The following ABCC6 variants were observed in gnomAD, a reference collection of about 807,000 sequenced individuals.
ABCC6 encodes the protein ATP-binding cassette sub-family C member 6.
Under a neutral mutation model 169.5 loss-of-function variants are expected in ABCC6, and 126 were observed. The observed-to-expected ratio is 0.74, with a 90% confidence interval of 0.64 to 0.86. The LOEUF (loss-of-function observed/expected upper bound fraction) is 0.86. Among genes scored for constraint, ABCC6 ranks in the 40% least tolerant of loss-of-function variants. The pLI, the probability that ABCC6 is intolerant of heterozygous loss-of-function variation, is 0.00. For synonymous variants in ABCC6, 752 were observed against 814.7 expected, an observed-to-expected ratio of 0.92 and a Z score of 1.31; for missense variants, 1,733 against 1,927.2, an observed-to-expected ratio of 0.90 and a Z score of 1.89.
intron 8 of ABCC6, among the ~76,000 whole-genome samples, chr16:16,202,858 C>T (rs1261000323): frequency 6.6e-6 from 1 of 152,156 alleles, no homozygotes; most frequent in Non-Finnish European, 1.5e-5. Flanking sequence ...CGGCTTTGGC[C>T]AACAGAGTAC....
rs1316012194 is a variant in ABCC6, at chr16:16,150,211, T to C, written c.4434A>G (p.Ala1478=). ...RVLVMDKGQV[A]ESGSPAQLLA... ...GCAGCTGGGCCGGGCTGCCGCTCTC[T>C]GCCACCTGCCCCTTGTCCATGACCA... is the stretch of plus-strand genomic sequence containing the variant. The change falls in exon 31 of 31, where the codon GCA becomes GCG. Residue 1478 remains alanine (A), a synonymous_variant. Coordinates refer to ENST00000205557, the MANE Select transcript of ABCC6 (RefSeq NM_001171.6). The C allele has an allele frequency of 3.7e-6, 6 of 1,613,904 alleles. No homozygotes were observed. Among genetic ancestry groups the C allele is most frequent in the Non-Finnish European group, 4.2e-6 (5 of 1,180,028 alleles).
chr16:16,178,336 A>T (rs991310123), intron 18 of ABCC6, among the ~76,000 whole-genome samples: 2 of 151,894 alleles, frequency 1.3e-5, no homozygotes, highest in Admixed American at 1.3e-4. Context: ...CAAAAAAAAA[A>T]GAAAAAGAAA....
At chr16:16,177,835 T>C (rs1335462254) in intron 18 of ABCC6, among the ~76,000 whole-genome samples, 1 of 151,692 alleles carries the variant, frequency 6.6e-6, no homozygotes, top group Non-Finnish European at 1.5e-5. Flanking sequence ...CTCAGCTACT[T>C]TGGAGGCTAA....
intron 10 of ABCC6, among the ~76,000 whole-genome samples, chr16:16,196,570 T>C (rs907635083): frequency 1.3e-5 from 2 of 152,170 alleles, no homozygotes; most frequent in African/African-American, 4.8e-5. Context: ...TTAATTATGA[T>C]CCTCACGTTG....
chr16:16,192,350 G>A (rs954472768), intron 11 of ABCC6, among the ~76,000 whole-genome samples: 1 of 152,138 alleles, frequency 6.6e-6, no homozygotes, highest in Non-Finnish European at 1.5e-5. Context: ...TCAGTCTGAG[G>A]AAAATGGGGC....
chr16:16,183,006 G>A lies in ABCC6; in HGVS notation c.1944-76C>T, dbSNP rs1422773458. On this transcript the variant is annotated intron_variant, in intron 15 of 30. Transcript: ENST00000205557. The stretch of plus-strand genomic sequence containing the variant: ...CTGTGAGGAAGGATGAGCCCCAGAC[G>A]GAGCTGAGCTTTCCTGCTCTGGGAG... The A allele has an allele frequency of 7.5e-6, 12 of 1,610,626 alleles. No homozygotes were observed. The East Asian group carries it at 1.1e-4, about 15-fold the overall frequency.
Position 16,184,975 on chromosome 16 carries a change from G to C in ABCC6, c.1927C>G (p.Pro643Ala). The C allele has an allele frequency of 6.2e-7, 1 of 1,613,642 alleles. No individual in the cohort carries two copies. Among genetic ancestry groups the C allele is most frequent in the Non-Finnish European group, 8.5e-7 (1 of 1,179,612 alleles). Residue 643 changes from proline (P) to alanine (A), a missense_variant, in exon 15 of 31, where the codon CCT becomes GCT. Pro to Ala is a conservative substitution (Grantham distance 27). Coordinates refer to ENST00000205557, the MANE Select transcript of ABCC6 (RefSeq NM_001171.6). ...SATFAWSQES[P>A]PCLHRINLTV... ...GTTCTGTACCTGTGGAGGCAGGGAGGGCTTTCCTGGGACCAGGCGAAGGTG... is the reference window on the plus strand; with the variant it reads ...GTTCTGTACCTGTGGAGGCAGGGAGCGCTTTCCTGGGACCAGGCGAAGGTG...
In ABCC6 at chr16:16,159,513, C is replaced by A; in HGVS notation, c.3704G>T (p.Arg1235Leu). The change falls in exon 26 of 31, where the codon CGG (arginine) becomes CTG (leucine). Residue 1235 changes from arginine to leucine, a missense_variant. This residue lies in a region of ABCC6 where 1,601 missense variants were observed against 1,635.5 expected (regional missense o/e 0.98). Coordinates refer to ENST00000205557, the MANE Select transcript of ABCC6 (RefSeq NM_001171.6). Reference protein sequence around the residue: ...DLENSIVSVERMQDYAWTPKE... With the variant: ...DLENSIVSVELMQDYAWTPKE... ...GGGCGTCCAGGCATAGTCCTGCATC[C>A]GCTCCACTGACACGATGCTGTTCTC... 1 of 1,614,112 alleles carries A rather than the reference C, an allele frequency of 6.2e-7. No homozygotes were observed. The highest frequency in any genetic ancestry group is 8.5e-7 in the Non-Finnish European group (1 of 1,179,998).
At chr16:16,204,396 G>A (rs1344655665) in intron 7 of ABCC6, among the ~76,000 whole-genome samples, 1 of 152,156 alleles carries the variant, frequency 6.6e-6, no homozygotes. Context: ...CAACCTGGAG[G>A]AAGAACAGCA....
At chr16:16,154,244 GTCCACACT>G (rs912221409) in intron 29 of ABCC6, among the ~76,000 whole-genome samples, 1 of 151,810 alleles carries the variant, frequency 6.6e-6, no homozygotes, top group Non-Finnish European at 1.5e-5. Flanking sequence ...ACTGTGCCCA[GTCCACACT>G]TGACATTTAC....
chr16:16,172,234 T>G (rs1596632079), intron 21 of ABCC6, among the ~76,000 whole-genome samples: 2 of 121,446 alleles, frequency 1.6e-5, no homozygotes, highest in Non-Finnish European at 3.5e-5. Flanking sequence ...GATAAATGGG[T>G]GGGTGGGATG....
rs553809421 is a variant in ABCC6, at chr16:16,201,884, G to T, written c.1176+117C>A. 10 of 1,117,270 alleles carry T rather than the reference G, an allele frequency of 9.0e-6. No individual in the cohort carries two copies. In the African/African-American group the frequency reaches 9.2e-5, roughly 10 times the overall value. The allele number at this position is 1,117,270 out of a possible 1,614,324, so 69.2% of individuals were successfully genotyped here. On this transcript the variant is annotated intron_variant, in intron 9 of 30. Transcript: ENST00000205557. ...AACTAAGGAAGTGAGAATGTATGGT[G>T]AGTGACTCTAATAAGCAAGGACTGA...
chr16:16,213,553 T>TC (rs2048721963), intron 5 of ABCC6, among the ~76,000 whole-genome samples: 1 of 139,354 alleles, frequency 7.2e-6, no homozygotes, highest in Admixed American at 8.3e-5. Flanking sequence ...ATTTTCTTTT[T>TC]CCTTCTTTTT....
intron 29 of ABCC6, 109 bp downstream of exon 29, chr16:16,154,517 AAC>A: frequency 7.4e-7 from 1 of 1,355,268 alleles, no homozygotes; most frequent in East Asian, 2.4e-5. Flanking sequence ...TTATTAATGT[AAC>A]AGAGTGATAA....
Position 16,167,829 on chromosome 16 carries a change from C to T in ABCC6, c.2995+1817G>A, listed in dbSNP as rs150267918. On this transcript the variant is annotated intron_variant, in intron 22 of 30. Coordinates refer to ENST00000205557, the MANE Select transcript of ABCC6 (RefSeq NM_001171.6). ...CATAACCAATTTCTCTCTCTCAGCT[C>T]CCATCTCTCCATCTTTAGGGGAGAG... Among the ~76,000 whole-genome samples, 25 of 152,244 alleles carry T rather than the reference C, an allele frequency of 1.6e-4. No individual in the cohort carries two copies. In the East Asian group the frequency reaches 4.6e-3, roughly 28 times the overall value.
intron 7 of ABCC6, among the ~76,000 whole-genome samples, chr16:16,207,738 G>A (rs1045732363): frequency 6.6e-6 from 1 of 152,124 alleles, no homozygotes; most frequent in African/African-American, 2.4e-5. Context: ...AGGCAGGGCA[G>A]CATTTAACCC....
intron 25 of ABCC6, among the ~76,000 whole-genome samples, chr16:16,159,822 C>T (rs2046658750): frequency 6.6e-6 from 1 of 152,186 alleles, no homozygotes; most frequent in African/African-American, 2.4e-5. Flanking sequence ...CCTCAGACAT[C>T]AGCTTGTACA....
rs546357270 is a variant in ABCC6 at position 16,169,551 on chromosome 16, G to T, written c.2995+95C>A. 4.4e-5 allele frequency: 62 copies of T among 1,418,682 alleles called. No homozygotes were observed. The South Asian group carries it at 7.3e-4, about 17-fold the overall frequency. The allele number at this position is 1,418,682 out of a possible 1,614,324, so 87.9% of individuals were successfully genotyped here. A position where few individuals can be genotyped will look rare whatever the true frequency, so the allele number is the denominator to read the frequency against. On this transcript the variant is annotated intron_variant, in intron 22 of 30. Coordinates refer to ENST00000205557, the MANE Select transcript of ABCC6 (RefSeq NM_001171.6). ...GACGTTTTGCACACTGTTCCAGGGG[G>T]ACAGGGTGACCCAGGGAGGGGTGGG... is the stretch of plus-strand genomic sequence containing the variant.
At chr16:16,161,982 T>C (rs117521357) in intron 24 of ABCC6, among the ~76,000 whole-genome samples, 9,947 of 152,080 alleles carry the variant, frequency 0.065, 475 homozygotes, top group Non-Finnish European at 0.1. Context: ...CCCCATATTG[T>C]TCTCGAGATA....
Sources: gnomAD v4.1 joint callset for allele counts (sites outside exome capture counted in the v4.1 genomes callset) on GRCh38, gnomAD v4.1.1 for gene constraint, gnomAD v4.1.1 regional missense constraint, MANE v1.5 for transcripts, NCBI Gene and HGNC (gene_info 2026-07-23, HGNC 2026-07-21) for gene names.